MRPS31: variants seen among roughly 807,000 people sequenced by gnomAD.
The protein encoded by MRPS31 is small ribosomal subunit protein mS31.
In MRPS31, 32 loss-of-function variants were observed where a neutral mutation model predicts 43.1. The ratio of observed to expected loss-of-function variants is 0.74; its 90% CI spans 0.56 to 1.00. MRPS31 has a LOEUF of 1.00. Among genes scored for constraint, MRPS31 ranks in the 50% least tolerant of loss-of-function variants. The pLI, the probability that MRPS31 is intolerant of heterozygous loss-of-function variation, is 0.00. For missense variants in MRPS31, 437 were observed against 466.7 expected, an observed-to-expected ratio of 0.94 and a Z score of 0.59; for synonymous variants, 165 against 161.6, an observed-to-expected ratio of 1.02 and a Z score of -0.16.
intron 2 of MRPS31, 119 bp from the exon 3 acceptor site, chr13:40,759,225 T>A: frequency 1.5e-6 from 1 of 684,834 alleles, no homozygotes; most frequent in South Asian, 2.8e-5. Context: ...ATCACTTGAG[T>A]CAGGAGTTCG....
intron 6 of MRPS31, 134 bp from the exon 7 acceptor site, chr13:40,729,735 T>G (rs1169316304): frequency 1.6e-6 from 1 of 631,326 alleles, no homozygotes. Flanking sequence ...GTTGCATTTT[T>G]TTTTTTTTTT....
Position 40,754,018 on chromosome 13 carries a change from C to A in MRPS31, c.814+1G>T. 1.9e-6 allele frequency: 3 copies of A among 1,576,490 alleles called. No homozygotes were observed. Among genetic ancestry groups the A allele is most frequent in the Non-Finnish European group, 2.6e-6 (3 of 1,150,540 alleles). ...GAGAAAGAGTGTTATTCTTAACAAA[C>A]CTGTTTCAGGTGCTTCTTTAGTAAC... On this transcript the variant is annotated splice_donor_variant, in intron 5 of 6. Coordinates refer to ENST00000323563, the MANE Select transcript of MRPS31 (RefSeq NM_005830.4). LOFTEE classifies it high-confidence loss of function.
At chr13:40,738,974 A>G (rs1304230806) in intron 6 of MRPS31, among the ~76,000 whole-genome samples, 3 of 152,208 alleles carry the variant, frequency 2.0e-5, no homozygotes, top group African/African-American at 4.8e-5. Context: ...AGGGTATTCA[A>G]TTAGGAAAAG....
chr13:40,752,775 T>G (rs1340074520), intron 5 of MRPS31, among the ~76,000 whole-genome samples: 2 of 152,142 alleles, frequency 1.3e-5, no homozygotes, highest in South Asian at 2.1e-4. Context: ...AGTCTCACTT[T>G]GATTCTTAGG....
In MRPS31 at chr13:40,749,471, G is replaced by C. The variant is rs1593447345; in HGVS notation, c.815-190C>G. 2.6e-5 allele frequency: 10 copies of C among 391,254 alleles called. No individual in the cohort carries two copies. The East Asian group carries it at 4.0e-4, about 16-fold the overall frequency. The allele number at this position is 391,254 out of a possible 1,614,324, so 24.2% of individuals were successfully genotyped here. A position where few individuals can be genotyped will look rare whatever the true frequency, so the allele number is the denominator to read the frequency against. ...AAAATTGTAACTACAATAATGGCAA[G>C]CTTAACTTTTGTTTTGCAACAATGC... On this transcript the variant is annotated intron_variant, in intron 5 of 6. Transcript: ENST00000323563.
chr13:40,735,472 G>C (rs1054631210), intron 6 of MRPS31, among the ~76,000 whole-genome samples: 2 of 152,126 alleles, frequency 1.3e-5, no homozygotes, highest in African/African-American at 4.8e-5. Context: ...TCCACCTCTG[G>C]GGGCAGGGCG....
At chr13:40,734,444 T>C (rs968515698) in intron 6 of MRPS31, among the ~76,000 whole-genome samples, 1 of 152,052 alleles carries the variant, frequency 6.6e-6, no homozygotes, top group African/African-American at 2.4e-5. Context: ...TAACAGGAAA[T>C]TCAATATTTT....
In MRPS31 at chr13:40,737,148, C is replaced by T. The variant is rs1219995442; in HGVS notation, c.959-7547G>A. On this transcript the variant is annotated intron_variant, in intron 6 of 6. Coordinates refer to ENST00000323563, the MANE Select transcript of MRPS31 (RefSeq NM_005830.4). ...GTTGCAATCCTAGTCTCTGATAAAA[C>T]AGACTTTAAACCAACAAAGATCAAA... is the stretch of plus-strand genomic sequence containing the variant. Among the ~76,000 whole-genome samples, 6 of 150,140 alleles carry T rather than the reference C, an allele frequency of 4.0e-5. No individual in the cohort carries two copies. In the East Asian group the frequency reaches 5.9e-4, roughly 15 times the overall value.
At chr13:40,731,252 CAAAA>C (rs1161901636) in intron 6 of MRPS31, 141 of 65,062 alleles carry the variant, frequency 2.2e-3, no homozygotes, top group African/African-American at 3.3e-3. Context: ...GACCCTGTCT[CAAAA>C]AAAAAAAAAA....
intron 3 of MRPS31, among the ~76,000 whole-genome samples, chr13:40,757,815 A>ACAGCTCAATGCAACTTC (rs1257525699): frequency 6.8e-6 from 1 of 147,462 alleles, no homozygotes; most frequent in Non-Finnish European, 1.5e-5. Context: ...TTGTGAGATC[A>ACAGCTCAATGCAACTTC]CAGCTCAATG....
At chr13:40,756,652 G>A (rs1302285935) in intron 4 of MRPS31, among the ~76,000 whole-genome samples, 3 of 152,154 alleles carry the variant, frequency 2.0e-5, no homozygotes, top group East Asian at 1.9e-4. Context: ...AGCATGGCCC[G>A]TTTTGATTTC....
chr13:40,744,241 T>C (rs1880178808), intron 6 of MRPS31, among the ~76,000 whole-genome samples: 1 of 152,170 alleles, frequency 6.6e-6, no homozygotes, highest in African/African-American at 2.4e-5. Context: ...GGAAACCACC[T>C]ATCAGGTATT....
intron 5 of MRPS31, among the ~76,000 whole-genome samples, chr13:40,752,021 ATTTC>A (rs373059344): frequency 1.3e-5 from 2 of 151,262 alleles, no homozygotes; most frequent in Admixed American, 6.6e-5. Context: ...CTGACAACCA[ATTTC>A]TTTCTTTCTT....
chr13:40,740,898 G>A (rs1477202981), intron 6 of MRPS31, among the ~76,000 whole-genome samples: 50 of 138,242 alleles, frequency 3.6e-4, no homozygotes, highest in Non-Finnish European at 4.3e-4. Flanking sequence ...TAACTAACCT[G>A]CACAATGTGC....
chr13:40,730,583 A>G (rs943768851), intron 6 of MRPS31, among the ~76,000 whole-genome samples: 2 of 152,166 alleles, frequency 1.3e-5, no homozygotes, highest in Non-Finnish European at 2.9e-5. Flanking sequence ...CTTTTGAGAT[A>G]GAGTTTCACT....
intron 6 of MRPS31, among the ~76,000 whole-genome samples, chr13:40,732,361 G>A (rs140414721): frequency 4.3e-4 from 65 of 152,322 alleles, no homozygotes; most frequent in African/African-American, 1.4e-3. Context: ...AGTGTCTAGC[G>A]TAAGTGACAG....
Sources: allele counts gnomAD v4.1 joint callset (sites outside exome capture counted in the v4.1 genomes callset), GRCh38; gene constraint gnomAD v4.1.1; transcripts MANE v1.5; gene names NCBI Gene and HGNC (gene_info 2026-07-23, HGNC 2026-07-21).